DYM: variants seen among roughly 807,000 people sequenced by gnomAD.
DYM encodes dyggve-Melchior-Clausen syndrome protein.
A neutral mutation model predicts 93.1 loss-of-function variants in DYM; 78 were observed. The observed-to-expected ratio is 0.84, with a 90% CI of 0.70 to 1.01. DYM has a LOEUF of 1.01. Among genes scored for constraint, DYM ranks in the 50% least tolerant of loss-of-function variants. DYM has a pLI of 0.00. For missense variants in DYM, 789 were observed against 845.0 expected, an observed-to-expected ratio of 0.93 and a Z score of 0.82; for synonymous variants, 321 against 319.7, an observed-to-expected ratio of 1.00 and a Z score of -0.04.
intron 13 of DYM, among the ~76,000 whole-genome samples, chr18:49,230,088 A>C (rs2093651425): frequency 6.6e-6 from 1 of 152,174 alleles, no homozygotes; most frequent in South Asian, 2.1e-4. Context: ...GCACAGCGGA[A>C]TCTTTAGGGA....
intron 11 of DYM, among the ~76,000 whole-genome samples, chr18:49,263,229 C>T (rs2094517712): frequency 6.6e-6 from 1 of 151,812 alleles, no homozygotes; most frequent in African/African-American, 2.4e-5. Flanking sequence ...AGTAATTCTC[C>T]TGCCTCGGCC....
At chr18:49,186,168 A>G (rs530421755) in intron 14 of DYM, among the ~76,000 whole-genome samples, 8 of 152,238 alleles carry the variant, frequency 5.3e-5, no homozygotes, top group African/African-American at 1.7e-4. Context: ...CATAAATTAT[A>G]TAATCACTCA....
intron 15 of DYM, among the ~76,000 whole-genome samples, chr18:49,156,671 G>A (rs1568511912): frequency 6.7e-6 from 1 of 149,406 alleles, no homozygotes; most frequent in Non-Finnish European, 1.5e-5. Flanking sequence ...GGCAGAGGCT[G>A]CAGTGAGCTG....
At chr18:49,133,308 T>A (rs377555603) in intron 15 of DYM, among the ~76,000 whole-genome samples, 4 of 152,206 alleles carry the variant, frequency 2.6e-5, no homozygotes, top group African/African-American at 9.6e-5. Context: ...TGGATGTCTA[T>A]TGCACAATAA....
chr18:49,282,727 C>T (rs1379731513), intron 9 of DYM, among the ~76,000 whole-genome samples: 1 of 152,172 alleles, frequency 6.6e-6, no homozygotes, highest in East Asian at 1.9e-4. Flanking sequence ...AGAACATGAA[C>T]TTAAATAAAC....
intron 8 of DYM, among the ~76,000 whole-genome samples, chr18:49,286,823 A>G (rs1209326035): frequency 6.6e-6 from 1 of 152,226 alleles, no homozygotes; most frequent in African/African-American, 2.4e-5. Context: ...AAAATAGAGA[A>G]ATAGAGATTT....
At chr18:49,178,472 C>T (rs1463785837) in intron 14 of DYM, among the ~76,000 whole-genome samples, 1 of 152,130 alleles carries the variant, frequency 6.6e-6, no homozygotes, top group Non-Finnish European at 1.5e-5. Context: ...ATCCCAAATA[C>T]TTTCTAACAT....
chr18:49,419,500 C>A (rs1465009723), intron 2 of DYM, among the ~76,000 whole-genome samples: 1 of 152,206 alleles, frequency 6.6e-6, no homozygotes, highest in Non-Finnish European at 1.5e-5. Flanking sequence ...ATTCCCGTCA[C>A]TATTTTTTAA....
At chr18:49,177,955 C>A (rs1232447813) in intron 14 of DYM, among the ~76,000 whole-genome samples, 1 of 152,002 alleles carries the variant, frequency 6.6e-6, no homozygotes, top group African/African-American at 2.4e-5. Flanking sequence ...ACCACAAAAC[C>A]AATCATATAT....
chr18:49,192,273 G>A (rs2091051823), intron 14 of DYM, among the ~76,000 whole-genome samples: 1 of 151,802 alleles, frequency 6.6e-6, no homozygotes, highest in East Asian at 1.9e-4. Flanking sequence ...TCCATAAAAT[G>A]GGAATAATAA....
At chr18:49,421,952 A>C (rs906963441) in intron 2 of DYM, among the ~76,000 whole-genome samples, 2 of 152,332 alleles carry the variant, frequency 1.3e-5, no homozygotes, top group Admixed American at 6.5e-5. Context: ...AGAAGTTTAG[A>C]GAAGAAAGAA....
intron 1 of DYM, among the ~76,000 whole-genome samples, chr18:49,431,314 C>A (rs1659499227): frequency 6.6e-6 from 1 of 152,196 alleles, no homozygotes; most frequent in Admixed American, 6.5e-5. Context: ...CTAAACCATG[C>A]ACATTTTTAC....
At chr18:49,358,538 A>C (rs189068293) in intron 6 of DYM, among the ~76,000 whole-genome samples, 1 of 152,334 alleles carries the variant, frequency 6.6e-6, no homozygotes, top group East Asian at 1.9e-4. Context: ...CATCTTTATC[A>C]ATCTATACCT....
chr18:49,370,390 C>A (rs1351082557), intron 5 of DYM, among the ~76,000 whole-genome samples: 1 of 152,184 alleles, frequency 6.6e-6, no homozygotes, highest in Non-Finnish European at 1.5e-5. Context: ...CCACCACCCC[C>A]ACTTTGTTGC....
At chr18:49,228,121 A>G (rs1372794313) in intron 13 of DYM, among the ~76,000 whole-genome samples, 1 of 152,148 alleles carries the variant, frequency 6.6e-6, no homozygotes, top group African/African-American at 2.4e-5. Flanking sequence ...TTTTTATTTT[A>G]GTTTCTCTAT....
chr18:49,300,974 G>A (rs1043749405), intron 8 of DYM, among the ~76,000 whole-genome samples: 2 of 152,128 alleles, frequency 1.3e-5, no homozygotes, highest in African/African-American at 4.8e-5. Flanking sequence ...CTGAGTTATG[G>A]AGCACGGTGC....
At chr18:49,305,700 T>C (rs2061233380) in intron 8 of DYM, among the ~76,000 whole-genome samples, 1 of 152,222 alleles carries the variant, frequency 6.6e-6, no homozygotes, top group Non-Finnish European at 1.5e-5. Flanking sequence ...TATCACAGTG[T>C]ACAAATATGT....
At chr18:49,399,702 A>G (rs1368701932) in intron 2 of DYM, among the ~76,000 whole-genome samples, 1 of 151,980 alleles carries the variant, frequency 6.6e-6, no homozygotes, top group African/African-American at 2.4e-5. Flanking sequence ...TTGCTTGTCT[A>G]TGGCCCCCAC....
chr18:49,443,860 G>A (rs2081878719), intron 1 of DYM, among the ~76,000 whole-genome samples: 1 of 152,220 alleles, frequency 6.6e-6, no homozygotes, highest in South Asian at 2.1e-4. Flanking sequence ...GATTACAGCA[G>A]CCAAAGAATT....
Sources: gnomAD v4.1 joint callset for allele counts (sites outside exome capture counted in the v4.1 genomes callset) on GRCh38, gnomAD v4.1.1 for gene constraint, MANE v1.5 for transcripts, NCBI Gene and HGNC (gene_info 2026-07-23, HGNC 2026-07-21) for gene names.